KIF1B: variants seen among roughly 807,000 people sequenced by gnomAD.
KIF1B encodes the protein kinesin-like protein KIF1B.
In KIF1B, 76 loss-of-function variants were observed where a neutral mutation model predicts 241.9. The ratio of observed to expected loss-of-function variants is 0.31; its 90% CI spans 0.26 to 0.38. KIF1B has a LOEUF of 0.38. Ranked by LOEUF, KIF1B falls within the 10% of genes least tolerant of loss-of-function variation. The pLI, the probability that KIF1B is intolerant of heterozygous loss-of-function variation, is 1.00. For synonymous variants in KIF1B, 750 were observed against 796.7 expected (o/e 0.94, Z 0.99); for missense variants, 1,622 against 2,271.4 (o/e 0.71, Z 5.81).
chr1:10,313,757 A>G (rs536649464), intron 22 of KIF1B, among the ~76,000 whole-genome samples: 19 of 150,912 alleles, frequency 1.3e-4, no homozygotes, highest in East Asian at 3.9e-4. Flanking sequence ...TCACCGTGTT[A>G]GCCAGGATGG....
intron 34 of KIF1B, among the ~76,000 whole-genome samples, chr1:10,344,599 G>C (rs1194413831): frequency 6.6e-6 from 1 of 152,108 alleles, no homozygotes; most frequent in Non-Finnish European, 1.5e-5. Context: ...GAATACTTCT[G>C]GTTTTGCTTT....
At chr1:10,310,150 C>T (rs1361042273) in intron 22 of KIF1B, among the ~76,000 whole-genome samples, 1 of 151,680 alleles carries the variant, frequency 6.6e-6, no homozygotes, top group Admixed American at 6.6e-5. Context: ...GTCTTATTCA[C>T]TTCGCCAGTC....
chr1:10,316,070 A>AT (rs572633818), intron 22 of KIF1B, among the ~76,000 whole-genome samples: 2,481 of 148,508 alleles, frequency 0.017, 47 homozygotes, highest in Non-Finnish European at 0.026. Flanking sequence ...AAAAAAAAAA[A>AT]AAAAAGCTAT....
chr1:10,292,025 G>C, intron 16 of KIF1B, 22 bp from the exon 17 acceptor site: 1 of 1,603,306 alleles, frequency 6.2e-7, no homozygotes, highest in Non-Finnish European at 8.5e-7. Flanking sequence ...TTAGTGTTCT[G>C]ATATACCTGT....
At chr1:10,252,255 G>T (rs1273019710) in intron 2 of KIF1B, among the ~76,000 whole-genome samples, 1 of 151,992 alleles carries the variant, frequency 6.6e-6, no homozygotes, top group Non-Finnish European at 1.5e-5. Context: ...GGCCAGGCTG[G>T]TCGCAAACTC....
intron 43 of KIF1B, among the ~76,000 whole-genome samples, chr1:10,367,836 C>T (rs970517525): frequency 6.6e-6 from 1 of 152,106 alleles, no homozygotes; most frequent in Non-Finnish European, 1.5e-5. Flanking sequence ...TCAAGTGATT[C>T]TCCTTCCTCA....
intron 22 of KIF1B, among the ~76,000 whole-genome samples, chr1:10,309,656 T>C (rs1650984487): frequency 6.6e-6 from 1 of 151,570 alleles, no homozygotes; most frequent in African/African-American, 2.4e-5. Flanking sequence ...CACCATCATC[T>C]CTCATCGAGA....
intron 24 of KIF1B, among the ~76,000 whole-genome samples, chr1:10,323,649 G>A (rs1440997165): frequency 6.6e-6 from 1 of 152,108 alleles, no homozygotes; most frequent in Admixed American, 6.5e-5. Flanking sequence ...GAAGATTTTC[G>A]TATGTGCAAA....
Position 10,216,957 on chromosome 1 carries a change from C to CTTTTTTTTTTTTTTTTTT in KIF1B, c.-80+6096_-80+6113dup, listed in dbSNP as rs70998362. ...TTTCCCTGCAGTACTTGCCCATTTT[C>CTTTTTTTTTTTTTTTTTT]TTTTTTTTTTTTTTTTTTTTTTTTT... On this transcript the variant is annotated intron_variant, in intron 1 of 48. Coordinates refer to ENST00000676179, the MANE Select transcript of KIF1B (RefSeq NM_001365951.3). Among the ~76,000 whole-genome samples, 2 of 54,522 alleles carry CTTTTTTTTTTTTTTTTTT rather than the reference C, an allele frequency of 3.7e-5. 1 individual carries two copies. The highest frequency in any genetic ancestry group is 1.7e-3 in the East Asian group (2 of 1,170). The allele number at this position is 54,522 out of a possible 152,430, so 35.8% of individuals were successfully genotyped here. A position where few individuals can be genotyped will look rare whatever the true frequency, so the allele number is the denominator to read the frequency against.
At chr1:10,215,129 TTATATATTTTATATATATATA>T (rs1298061530) in intron 1 of KIF1B, among the ~76,000 whole-genome samples, 3 of 135,346 alleles carry the variant, frequency 2.2e-5, no homozygotes, top group African/African-American at 8.2e-5. Flanking sequence ...ATTTAAAAAT[TTATATATTTTATATATATATA>T]TATATATATA....
intron 15 of KIF1B, among the ~76,000 whole-genome samples, chr1:10,288,880 T>C (rs1649845653): frequency 6.6e-6 from 1 of 152,236 alleles, no homozygotes; most frequent in South Asian, 2.1e-4. Context: ...AGTCATGTAA[T>C]ATTCTGGAAG....
At chr1:10,368,895 A>G (rs964296685) in intron 44 of KIF1B, among the ~76,000 whole-genome samples, 3 of 151,402 alleles carry the variant, frequency 2.0e-5, no homozygotes, top group Admixed American at 2.0e-4. Flanking sequence ...AGTTTTATTG[A>G]CTTCAACAAA....
In KIF1B at chr1:10,210,780, C is replaced by T. The variant is rs946335822; in HGVS notation, c.-178C>T. The T allele has an allele frequency of 9.4e-5, 14 of 149,540 alleles. No homozygotes were observed. The highest frequency in any genetic ancestry group is 3.2e-4 in the African/African-American group (13 of 41,154). 9.3% of individuals were successfully genotyped at this position (149,540 alleles called of 1,614,324 possible). A position where few individuals can be genotyped will look rare whatever the true frequency, so the allele number is the denominator to read the frequency against. On this transcript the variant is annotated 5_prime_UTR_variant, in exon 1 of 49. Transcript: ENST00000676179. The surrounding 1 kb of genome is among the most constrained non-coding windows in gnomAD (Gnocchi z 4.1). The stretch of plus-strand genomic sequence containing the variant: ...GGCGCCCTGCGGCTCGCGGCGGCCG[C>T]TGCTCGCGCTGAGGTGCGTCGGTGC...
intron 10 of KIF1B, among the ~76,000 whole-genome samples, 199 bp downstream of exon 10, chr1:10,273,230 A>C (rs1648897165): frequency 6.6e-6 from 1 of 152,216 alleles, no homozygotes; most frequent in Non-Finnish European, 1.5e-5. Flanking sequence ...AATTTCTAGA[A>C]CATGATATGC....
chr1:10,305,118 G>T, intron 22 of KIF1B: 1 of 1,062,016 alleles, frequency 9.4e-7, no homozygotes, highest in Non-Finnish European at 1.1e-6. Context: ...AACTGGGTGG[G>T]CACAGCTTTG....
At chr1:10,264,362 G>T (rs1260045315) in intron 5 of KIF1B, among the ~76,000 whole-genome samples, 2 of 152,198 alleles carry the variant, frequency 1.3e-5, no homozygotes, top group Non-Finnish European at 2.9e-5. Flanking sequence ...GGAGTGGTTG[G>T]TGCAGAAGTA....
intron 22 of KIF1B, among the ~76,000 whole-genome samples, chr1:10,312,884 G>A (rs545021937): frequency 7.1e-4 from 107 of 151,528 alleles, no homozygotes; most frequent in Non-Finnish European, 1.3e-3. Context: ...TTGACCACTA[G>A]CATTTGGCAC....
At position 10,376,834 on chromosome 1, in the gene KIF1B, A is replaced by AACAC. The variant is rs111663673; in HGVS notation, c.*277_*280dup. On this transcript the variant is annotated 3_prime_UTR_variant, in exon 49 of 49. Coordinates refer to ENST00000676179, the MANE Select transcript of KIF1B (RefSeq NM_001365951.3). ...CTAACAAAAGGAAAAAATGTTTTTAAACACACACACACACACACACACACA... is the reference window on the plus strand; with the variant it reads ...CTAACAAAAGGAAAAAATGTTTTTAAACACACACACACACACACACACACACACA... 5,656 of 442,462 alleles carry AACAC rather than the reference A, an allele frequency of 0.013. 190 individuals carry two copies. Among genetic ancestry groups the AACAC allele is most frequent in the African/African-American group, 0.091 (4,432 of 48,874 alleles). The allele number at this position is 442,462 out of a possible 1,614,324, so 27.4% of individuals were successfully genotyped here.
In KIF1B at chr1:10,381,164, T is replaced by G. The variant is rs1639012626; in HGVS notation, c.*4577T>G. On this transcript the variant is annotated 3_prime_UTR_variant, in exon 49 of 49. Transcript: ENST00000676179. ...CTGCCTATTCTGGCATCAGCTCACTTGAGGAGTCCCTCAGCCTTCTTGTAT... is the reference window on the plus strand; with the variant it reads ...CTGCCTATTCTGGCATCAGCTCACTGGAGGAGTCCCTCAGCCTTCTTGTAT... The G allele has an allele frequency of 4.5e-6, 1 of 220,634 alleles. No homozygotes were observed. Among genetic ancestry groups the G allele is most frequent in the Non-Finnish European group, 9.1e-6 (1 of 109,992 alleles). 13.7% of individuals were successfully genotyped at this position (220,634 alleles called of 1,614,324 possible).
Sources: gnomAD v4.1 joint callset for allele counts (sites outside exome capture counted in the v4.1 genomes callset) on GRCh38, gnomAD v4.1.1 for gene constraint, Gnocchi (gnomAD v3.1) non-coding constraint, MANE v1.5 for transcripts, NCBI Gene and HGNC (gene_info 2026-07-23, HGNC 2026-07-21) for gene names.